The following GLIS3 variants were observed in gnomAD, a reference collection of about 807,000 sequenced individuals.
The protein encoded by GLIS3 is GLIS family zinc finger 3, also known as zinc finger protein GLIS3.
GLIS3 carries 53 observed loss-of-function variants against 78.6 expected under a neutral mutation model. The ratio of observed to expected loss-of-function variants is 0.67; its 90% CI spans 0.54 to 0.85. The LOEUF is 0.85. Among genes scored for constraint, GLIS3 ranks in the 40% least tolerant of loss-of-function variants. The pLI is 0.00. For synonymous variants in GLIS3, 684 were observed against 509.9 expected (o/e 1.34, Z -4.60); for missense variants, 1,703 against 1,231.1 (o/e 1.38, Z -5.74).
At chr9:4,215,435 G>A (rs895699112) in intron 2 of GLIS3, among the ~76,000 whole-genome samples, 4 of 152,106 alleles carry the variant, frequency 2.6e-5, no homozygotes, top group African/African-American at 7.2e-5. Flanking sequence ...AATCATGATT[G>A]TAAGTGTTGT....
At chr9:4,239,312 G>T (rs887274675) in intron 2 of GLIS3, among the ~76,000 whole-genome samples, 1 of 148,332 alleles carries the variant, frequency 6.7e-6, no homozygotes, top group African/African-American at 2.5e-5. Flanking sequence ...AAACTTAAAA[G>T]TATAATTAAA....
At chr9:4,373,982 A>G in the GLIS3 span, among the ~76,000 whole-genome samples, 1 of 152,178 alleles carries the variant, frequency 6.6e-6, no homozygotes, top group East Asian at 1.9e-4. Flanking sequence ...GTAATTTTCA[A>G]ACTGTGACTA....
chr9:4,126,050 A>T, intron 2 of GLIS3, 109 bp from the exon 3 acceptor site: 1 of 850,074 alleles, frequency 1.2e-6, no homozygotes, highest in Non-Finnish European at 1.9e-6. Context: ...CAGTCCTCAG[A>T]TCATTTTTTT....
chr9:4,322,085 G>A (rs973352933), intron 2 of GLIS3, among the ~76,000 whole-genome samples: 13 of 152,012 alleles, frequency 8.6e-5, no homozygotes, highest in Admixed American at 6.5e-5. Flanking sequence ...GTGTCCAAGT[G>A]TTCTCATTGT....
At chr9:4,364,796 G>GCT in the GLIS3 span, among the ~76,000 whole-genome samples, 2 of 111,118 alleles carry the variant, frequency 1.8e-5, no homozygotes, top group South Asian at 6.2e-4. Context: ...ACAGGGTCCT[G>GCT]CTATGTTGCC....
At position 4,187,171 on chromosome 9, in the gene GLIS3, T is replaced by C. The variant is rs529301969; in HGVS notation, c.389-61230A>G. ...TTAATCCATCTTGAATTAATTTTTG[T>C]GTAAGGTGTAAGGAAGGGATCCAGT... On this transcript the variant is annotated intron_variant, in intron 2 of 10. Transcript: ENST00000381971. 1.1e-3 allele frequency among the ~76,000 whole-genome samples: 173 copies of C among 152,322 alleles called. 1 individual carries two copies. The highest frequency in any genetic ancestry group is 6.8e-3 in the Middle Eastern group (2 of 294).
intron 4 of GLIS3, among the ~76,000 whole-genome samples, chr9:3,955,636 C>T (rs894493484): frequency 6.6e-6 from 1 of 152,112 alleles, no homozygotes; most frequent in Admixed American, 6.5e-5. Flanking sequence ...GATCTTGGAA[C>T]AGATTCTTAC....
the GLIS3 span, among the ~76,000 whole-genome samples, chr9:4,476,088 T>A: frequency 1.1e-3 from 163 of 152,290 alleles, no homozygotes; most frequent in African/African-American, 3.5e-3. Flanking sequence ...ACTATGTAAA[T>A]GTTTTAAATA....
At chr9:4,224,638 A>C (rs1272692313) in intron 2 of GLIS3, among the ~76,000 whole-genome samples, 1 of 151,986 alleles carries the variant, frequency 6.6e-6, no homozygotes, top group African/African-American at 2.4e-5. Flanking sequence ...TACGAGACGC[A>C]TTTTGAGTCC....
intron 2 of GLIS3, among the ~76,000 whole-genome samples, chr9:4,332,249 T>C (rs1476395548): frequency 6.6e-6 from 1 of 152,196 alleles, no homozygotes; most frequent in Non-Finnish European, 1.5e-5. Flanking sequence ...CAACATTCAC[T>C]GATAGCGCCT....
chr9:4,236,917 T>A (rs1372328467), intron 2 of GLIS3, among the ~76,000 whole-genome samples: 1 of 152,124 alleles, frequency 6.6e-6, no homozygotes, highest in African/African-American at 2.4e-5. Context: ...ATTAAAAATA[T>A]TTTTTTGAAA....
intron 8 of GLIS3, among the ~76,000 whole-genome samples, chr9:3,867,480 A>G (rs994516690): frequency 2.0e-5 from 3 of 152,232 alleles, no homozygotes; most frequent in Middle Eastern, 3.2e-3. Flanking sequence ...TGGATCCTCA[A>G]TAGTTAAGAA....
chr9:4,405,955 G>C, the GLIS3 span, among the ~76,000 whole-genome samples: 11 of 152,056 alleles, frequency 7.2e-5, no homozygotes, highest in African/African-American at 2.7e-4. Context: ...ACATAATAAA[G>C]GACAAAATCC....
the GLIS3 span, among the ~76,000 whole-genome samples, chr9:4,404,047 T>C: frequency 6.7e-3 from 1,022 of 151,952 alleles, 8 homozygotes; most frequent in Non-Finnish European, 9.6e-3. Context: ...TCCACGACAA[T>C]AGAAACCAAA....
At chr9:4,070,561 A>C (rs1375231610) in intron 4 of GLIS3, among the ~76,000 whole-genome samples, 1 of 152,066 alleles carries the variant, frequency 6.6e-6, no homozygotes, top group Non-Finnish European at 1.5e-5. Flanking sequence ...AGAGAGATGC[A>C]GAGCAAGCGA....
chr9:4,168,197 G>GCACA (rs140128203), intron 2 of GLIS3, among the ~76,000 whole-genome samples: 27 of 150,468 alleles, frequency 1.8e-4, no homozygotes, highest in African/African-American at 6.1e-4. Flanking sequence ...ACACACAGAC[G>GCACA]CACACACACA....
chr9:4,384,853 ACTTTC>A, the GLIS3 span, among the ~76,000 whole-genome samples: 1 of 152,072 alleles, frequency 6.6e-6, no homozygotes, highest in Non-Finnish European at 1.5e-5. Context: ...CAGATAGAAG[ACTTTC>A]CTTTCCTTGA....
At chr9:4,031,767 G>C (rs533967626) in intron 4 of GLIS3, among the ~76,000 whole-genome samples, 5 of 152,330 alleles carry the variant, frequency 3.3e-5, no homozygotes, top group Admixed American at 3.3e-4. Flanking sequence ...TGATGGAACA[G>C]TCAAGCAATT....
intron 2 of GLIS3, among the ~76,000 whole-genome samples, chr9:4,227,124 A>G (rs1821838850): frequency 2.0e-5 from 3 of 152,266 alleles, no homozygotes; most frequent in Non-Finnish European, 2.9e-5. Context: ...ACGGGCACAG[A>G]AGGAGGCACT....
Sources: allele counts gnomAD v4.1 joint callset (sites outside exome capture counted in the v4.1 genomes callset), GRCh38; gene constraint gnomAD v4.1.1; transcripts MANE v1.5; gene names NCBI Gene and HGNC (gene_info 2026-07-23, HGNC 2026-07-21).